TLL1: variants seen among roughly 807,000 people sequenced by gnomAD.
TLL1 encodes tolloid-like protein 1.
Under a neutral mutation model 128.2 loss-of-function variants are expected in TLL1, and 49 were observed. The observed-to-expected ratio is 0.38, with a 90% CI of 0.30 to 0.48. The LOEUF (loss-of-function observed/expected upper bound fraction) is 0.48, where lower values mean the gene tolerates loss of function less well. TLL1 is among the 20% of genes least tolerant of loss of function. TLL1 has a pLI of 0.96. For missense variants in TLL1, 1,123 were observed against 1,242.0 expected (o/e 0.90, Z 1.44); for synonymous variants, 454 against 418.8 (o/e 1.08, Z -1.03).
chr4:165,900,674 T>C (rs924708770), intron 1 of TLL1, among the ~76,000 whole-genome samples: 2 of 152,130 alleles, frequency 1.3e-5, no homozygotes, highest in Admixed American at 6.5e-5. Flanking sequence ...AACATTTTTT[T>C]CCGTCATTTC....
chr4:165,894,253 G>A (rs1731559738), intron 1 of TLL1, among the ~76,000 whole-genome samples: 1 of 152,084 alleles, frequency 6.6e-6, no homozygotes, highest in Non-Finnish European at 1.5e-5. Context: ...ACTGCACCAT[G>A]TCACATTACA....
chr4:165,892,525 C>T (rs1281770689), intron 1 of TLL1, among the ~76,000 whole-genome samples: 3 of 152,150 alleles, frequency 2.0e-5, no homozygotes, highest in Admixed American at 2.0e-4. Context: ...TTAATTGTGG[C>T]TTCCTGAAAA....
At chr4:166,074,082 C>G (rs1740910337) in intron 16 of TLL1, among the ~76,000 whole-genome samples, 1 of 151,982 alleles carries the variant, frequency 6.6e-6, no homozygotes, top group Non-Finnish European at 1.5e-5. Flanking sequence ...AATTGACTGC[C>G]TGTTAATCTA....
At chr4:165,961,459 G>GA (rs577850280) in intron 1 of TLL1, among the ~76,000 whole-genome samples, 6 of 152,074 alleles carry the variant, frequency 3.9e-5, no homozygotes, top group Admixed American at 6.6e-5. Context: ...CACTGAATTA[G>GA]AAAAAACTAT....
intron 8 of TLL1, among the ~76,000 whole-genome samples, chr4:166,023,848 T>A (rs1235051973): frequency 3.3e-5 from 5 of 152,344 alleles, no homozygotes; most frequent in Admixed American, 3.3e-4. Context: ...ACTGGCATTC[T>A]CTGTGGCTTA....
intron 9 of TLL1, among the ~76,000 whole-genome samples, chr4:166,033,543 G>T (rs1227205653): frequency 6.6e-6 from 1 of 152,056 alleles, no homozygotes; most frequent in East Asian, 1.9e-4. Flanking sequence ...GAAAAATATT[G>T]TCTTTAAAAA....
At chr4:166,080,611 G>A (rs1010512880) in intron 18 of TLL1, among the ~76,000 whole-genome samples, 11 of 151,796 alleles carry the variant, frequency 7.2e-5, no homozygotes, top group African/African-American at 2.7e-4. Context: ...ATTAAAATAA[G>A]ACATTATGTA....
intron 16 of TLL1, 104 bp downstream of exon 16, chr4:166,065,967 G>A: frequency 1.6e-6 from 1 of 613,762 alleles, no homozygotes; most frequent in South Asian, 2.2e-5. Flanking sequence ...AATGCAACTT[G>A]AAGATAAGTA....
intron 20 of TLL1, 140 bp from the exon 21 acceptor site, chr4:166,100,602 G>A (rs907608489): frequency 2.1e-5 from 24 of 1,131,496 alleles, no homozygotes; most frequent in African/African-American, 3.1e-5. Context: ...TGAAGAAGTT[G>A]ATTACACCTA....
chr4:165,962,898 T>C lies in TLL1; in HGVS notation c.170-26483T>C, dbSNP rs145006625. On this transcript the variant is annotated intron_variant, in intron 1 of 20. Transcript: ENST00000061240. ...TGCTGAAACCATGTCTCCCTAAAAG[T>C]ACAAAAATTAGCTAGGCATGGTGGC... Among the ~76,000 whole-genome samples, 403 of 150,326 alleles carry C rather than the reference T, an allele frequency of 2.7e-3. 5 individuals are homozygous for C. The highest frequency in any genetic ancestry group is 9.2e-3 in the African/African-American group (378 of 41,100).
intron 9 of TLL1, among the ~76,000 whole-genome samples, chr4:166,035,593 A>G (rs1029006364): frequency 2.6e-5 from 4 of 151,450 alleles, no homozygotes; most frequent in African/African-American, 9.7e-5. Context: ...TCTGACTCCC[A>G]ATCAAGAATA....
At chr4:165,996,839 A>C (rs1477512099) in intron 5 of TLL1, among the ~76,000 whole-genome samples, 1 of 149,672 alleles carries the variant, frequency 6.7e-6, no homozygotes, top group Non-Finnish European at 1.5e-5. Context: ...TAATTAATAT[A>C]TACATCTATA....
At chr4:166,087,843 C>T (rs903261415) in intron 18 of TLL1, among the ~76,000 whole-genome samples, 3 of 152,058 alleles carry the variant, frequency 2.0e-5, no homozygotes. Context: ...CAGCCTATAA[C>T]GAGAGTTCAA....
chr4:166,044,946 T>G (rs1739396792), intron 12 of TLL1, among the ~76,000 whole-genome samples: 1 of 152,234 alleles, frequency 6.6e-6, no homozygotes, highest in Admixed American at 6.5e-5. Flanking sequence ...GTTTATTTTT[T>G]TATTTATCAA....
chr4:165,981,141 C>T (rs1736130077), intron 1 of TLL1, among the ~76,000 whole-genome samples: 1 of 151,952 alleles, frequency 6.6e-6, no homozygotes, highest in African/African-American at 2.4e-5. Flanking sequence ...TGCCTTCTTC[C>T]TCTATAGAGT....
chr4:165,979,103 C>A (rs1560787100), intron 1 of TLL1, among the ~76,000 whole-genome samples: 1 of 152,006 alleles, frequency 6.6e-6, no homozygotes, highest in Non-Finnish European at 1.5e-5. Flanking sequence ...ATTGCTGCTG[C>A]CATTATTACT....
At chr4:165,949,739 C>T (rs1734421554) in intron 1 of TLL1, among the ~76,000 whole-genome samples, 1 of 152,092 alleles carries the variant, frequency 6.6e-6, no homozygotes, top group South Asian at 2.1e-4. Flanking sequence ...ACCACAAGAA[C>T]AGCATGGGGG....
chr4:165,983,525 G>A (rs974652443), intron 1 of TLL1, among the ~76,000 whole-genome samples: 3 of 151,628 alleles, frequency 2.0e-5, no homozygotes, highest in Non-Finnish European at 3.0e-5. Context: ...ATATTCTGGC[G>A]GAAGAGTCCT....
At chr4:166,009,421 C>T (rs769530286) in intron 7 of TLL1, among the ~76,000 whole-genome samples, 7 of 151,382 alleles carry the variant, frequency 4.6e-5, no homozygotes, top group Non-Finnish European at 1.0e-4. Flanking sequence ...AAATCTTTAG[C>T]AAAGTTCTAA....
Sources: allele counts gnomAD v4.1 joint callset (sites outside exome capture counted in the v4.1 genomes callset), GRCh38; gene constraint gnomAD v4.1.1; transcripts MANE v1.5; gene names NCBI Gene and HGNC (gene_info 2026-07-23, HGNC 2026-07-21).